EGF: variants seen among roughly 807,000 people sequenced by gnomAD.
EGF encodes epidermal growth factor, also known as pro-epidermal growth factor.
In EGF, 95 loss-of-function variants were observed where a neutral mutation model predicts 143.8. That is an observed-to-expected ratio of 0.66 (90% CI 0.56 to 0.78). The LOEUF is 0.78. Ranked by LOEUF, EGF falls within the 30% of genes least tolerant of loss-of-function variation. The pLI, the probability that EGF is intolerant of heterozygous loss-of-function variation, is 0.00. For missense variants in EGF, 1,320 were observed against 1,470.9 expected (o/e 0.90, Z 1.68); for synonymous variants, 510 against 510.5 (o/e 1.00, Z 0.01).
In EGF at chr4:110,011,295, G is replaced by T; in HGVS notation, c.3464G>T (p.Gly1155Val). 6.2e-7 allele frequency: 1 copy of T among 1,614,138 alleles called. No individual in the cohort carries two copies. ...TGGATTCCAGTATCCAGTGATAAGG[G>T]CTCCTGTCCCCAGGTAATGGAGCGA... ...GCWIPVSSDK[G>V]SCPQVMERSF... Residue 1155 changes from glycine (G) to valine (V), a missense_variant, in exon 24 of 24, where the codon GGC becomes GTC. Gly to Val is a moderately radical substitution (Grantham distance 109, BLOSUM62 -3). This residue lies in a region of EGF where 1,186 missense variants were observed against 1,313.7 expected (regional missense o/e 0.90). Coordinates refer to ENST00000265171, the MANE Select transcript of EGF (RefSeq NM_001963.6).
intron 11 of EGF, among the ~76,000 whole-genome samples, chr4:109,973,647 C>A (rs545318456): frequency 1.3e-5 from 2 of 151,820 alleles, no homozygotes; most frequent in Admixed American, 6.6e-5. Flanking sequence ...TTCCCCTCCC[C>A]GTCCAGTCCA....
chr4:109,938,296 C>A (rs959277388), intron 1 of EGF, among the ~76,000 whole-genome samples: 3 of 152,096 alleles, frequency 2.0e-5, no homozygotes, highest in African/African-American at 7.2e-5. Context: ...TTCTTCCGCT[C>A]GATTGAATTG....
chr4:109,963,648 A>C (rs1231602736), intron 9 of EGF, among the ~76,000 whole-genome samples: 2 of 152,188 alleles, frequency 1.3e-5, no homozygotes, highest in Non-Finnish European at 2.9e-5. Context: ...TCTCTACTGA[A>C]TATAATTATA....
intron 23 of EGF, 106 bp from the exon 24 acceptor site, chr4:110,011,096 G>T (rs1753936950): frequency 7.6e-7 from 1 of 1,312,860 alleles, no homozygotes. Flanking sequence ...GGTTATCTTT[G>T]TGTCTCATTT....
At chr4:110,004,678 A>G (rs563266264) in intron 22 of EGF, 56 bp downstream of exon 22, 74 of 1,297,238 alleles carry the variant, frequency 5.7e-5, no homozygotes, top group South Asian at 1.2e-5. Flanking sequence ...ACCCCTATTC[A>G]TTTTTTCTAT....
rs41434845 is a variant in EGF, at chr4:109,963,340, A to T, written c.1438+42A>T. On this transcript the variant is annotated intron_variant, in intron 9 of 23. Coordinates refer to ENST00000265171, the MANE Select transcript of EGF (RefSeq NM_001963.6). Reference sequence around the variant, plus strand: ...TCTGGAACTGTGTCCCTGAAAAAAAATTCATGAAAATCTTTTGTTTAGAAA... The same window carrying T: ...TCTGGAACTGTGTCCCTGAAAAAAATTTCATGAAAATCTTTTGTTTAGAAA... The T allele has an allele frequency of 5.0e-5, 80 of 1,613,252 alleles. No homozygotes were observed. In the African/African-American group the frequency reaches 8.4e-4, roughly 17 times the overall value.
intron 16 of EGF, among the ~76,000 whole-genome samples, chr4:109,984,235 G>A (rs1749796301): frequency 6.8e-6 from 1 of 147,450 alleles, no homozygotes. Flanking sequence ...ACTTTAACAA[G>A]ATGTATGTGG....
At chr4:110,010,894 A>G (rs1391883938) in intron 23 of EGF, among the ~76,000 whole-genome samples, 1 of 152,142 alleles carries the variant, frequency 6.6e-6, no homozygotes, top group Non-Finnish European at 1.5e-5. Flanking sequence ...CCCTGTCTCT[A>G]TAAAAAATAC....
intron 11 of EGF, among the ~76,000 whole-genome samples, chr4:109,969,991 A>C (rs1747307343): frequency 6.6e-6 from 1 of 152,204 alleles, no homozygotes; most frequent in African/African-American, 2.4e-5. Context: ...CTCCCTGTTA[A>C]AACAAGCATG....
intron 1 of EGF, among the ~76,000 whole-genome samples, chr4:109,928,995 A>G (rs1393204897): frequency 6.6e-6 from 1 of 152,212 alleles, no homozygotes; most frequent in Non-Finnish European, 1.5e-5. Context: ...ATATTATAGA[A>G]GTAGATATAA....
chr4:109,956,121 T>C, intron 5 of EGF, among the ~76,000 whole-genome samples: 1 of 152,250 alleles, frequency 6.6e-6, no homozygotes, highest in East Asian at 1.9e-4. Flanking sequence ...GAAGAATTTT[T>C]CACCAACATT....
chr4:109,931,998 C>A (rs1463093419), intron 1 of EGF, among the ~76,000 whole-genome samples: 2 of 152,058 alleles, frequency 1.3e-5, no homozygotes, highest in African/African-American at 2.4e-5. Flanking sequence ...TTTACAAATT[C>A]TTGAGATTTC....
rs1277706912 is a variant in EGF, at chr4:110,011,220, C to T, written c.3389C>T (p.Ser1130Leu). The T allele has an allele frequency of 6.2e-7, 1 of 1,613,694 alleles. No homozygotes were observed. Among genetic ancestry groups the T allele is most frequent in the East Asian group, 2.2e-5 (1 of 44,628 alleles). ...CATATAGGGTCAATGCAACCAACTT[C>T]ATGGAGGCAGGAGCCCCAGTTATGT... ...QAADGSMQPT[S>L]WRQEPQLCGM... The change falls in exon 24 of 24, where the codon TCA (serine) becomes TTA (leucine). Residue 1130 changes from serine (S) to leucine (L), a missense_variant. Coordinates refer to ENST00000265171, the MANE Select transcript of EGF (RefSeq NM_001963.6).
intron 22 of EGF, among the ~76,000 whole-genome samples, chr4:110,006,195 C>T (rs1753267957): frequency 6.7e-6 from 1 of 150,112 alleles, no homozygotes; most frequent in Non-Finnish European, 1.5e-5. Context: ...AAAAAAAAAA[C>T]TTTGCTGGGT....
chr4:110,006,250 C>T (rs1209688587), intron 22 of EGF, among the ~76,000 whole-genome samples: 1 of 137,972 alleles, frequency 7.2e-6, no homozygotes, highest in Non-Finnish European at 1.7e-5. Flanking sequence ...GAGACTGAAG[C>T]AGGAGGGTCA....
chr4:109,976,784 C>T (rs1748568014), intron 13 of EGF, among the ~76,000 whole-genome samples: 1 of 152,124 alleles, frequency 6.6e-6, no homozygotes, highest in South Asian at 2.1e-4. Context: ...TGTACAAAGA[C>T]AGTATTTAAA....
At chr4:109,952,945 G>A (rs1012222181) in intron 5 of EGF, among the ~76,000 whole-genome samples, 1 of 152,118 alleles carries the variant, frequency 6.6e-6, no homozygotes, top group Non-Finnish European at 1.5e-5. Flanking sequence ...TCTAACCTGA[G>A]GCTTTTTCTT....
chr4:109,921,568 T>C (rs1424131744), intron 1 of EGF, among the ~76,000 whole-genome samples: 2 of 151,574 alleles, frequency 1.3e-5, no homozygotes, highest in African/African-American at 2.4e-5. Flanking sequence ...TTCCCAGTGA[T>C]GTAAGAGTCC....
chr4:110,009,561 C>G lies in EGF; in HGVS notation c.3370+1331C>G, dbSNP rs559112133. ...TACTCAGGAATATATTAGAATGTCT[C>G]TTTTGCTGTTGTTTTTTTCCCCCCG... On this transcript the variant is annotated intron_variant, in intron 23 of 23. Coordinates refer to ENST00000265171, the MANE Select transcript of EGF (RefSeq NM_001963.6). 1.2e-4 allele frequency among the ~76,000 whole-genome samples: 19 copies of G among 152,188 alleles called. 2 individuals are homozygous for G. The South Asian group carries it at 3.7e-3, about 30-fold the overall frequency.
Sources: allele counts gnomAD v4.1 joint callset (sites outside exome capture counted in the v4.1 genomes callset), GRCh38; gene constraint gnomAD v4.1.1; regional missense constraint gnomAD v4.1.1; transcripts MANE v1.5; gene names NCBI Gene and HGNC (gene_info 2026-07-23, HGNC 2026-07-21).